Variants in CHD7 observed in about 807,000 individuals in gnomAD.
The protein encoded by CHD7 is ATP-dependent chromatin remodeler CHD7.
Under a neutral mutation model 307.3 loss-of-function variants are expected in CHD7, and 24 were observed. The ratio of observed to expected loss-of-function variants is 0.08; its 90% confidence interval spans 0.06 to 0.11. The LOEUF is 0.11. Ranked by LOEUF, CHD7 falls within the 10% of genes least tolerant of loss-of-function variation. CHD7 has a pLI of 1.00. For missense variants in CHD7, 3,106 were observed against 3,727.1 expected (o/e 0.83, Z 4.34); for synonymous variants, 1,363 against 1,349.9 (o/e 1.01, Z -0.21).
chr8:60,771,397 A>G (rs377618690), intron 2 of CHD7, among the ~76,000 whole-genome samples: 2 of 152,172 alleles, frequency 1.3e-5, no homozygotes, highest in Non-Finnish European at 2.9e-5. Context: ...GATCATCCCT[A>G]ATTTGAATAT....
chr8:60,717,968 TAAA>T (rs1563540205), intron 1 of CHD7, among the ~76,000 whole-genome samples: 1 of 151,836 alleles, frequency 6.6e-6, no homozygotes, highest in Non-Finnish European at 1.5e-5. Flanking sequence ...CATTTTTTTT[TAAA>T]TTTAACTGTA....
In CHD7 at chr8:60,741,676, CTGA is replaced by C; in HGVS notation, c.247_249del (p.Met83del). On this transcript the variant is annotated inframe_deletion, in exon 2 of 38. Transcript: ENST00000423902. ...TCAGTATGAACAACAAAAGATGCAT[CTGA>C]TGGATCAGCCGAACAGAATGATGAG... is the stretch of plus-strand genomic sequence containing the variant. The C allele has an allele frequency of 6.2e-7, 1 of 1,613,986 alleles. No homozygotes were observed. The highest frequency in any genetic ancestry group is 8.5e-7 in the Non-Finnish European group (1 of 1,179,872).
At chr8:60,759,784 G>A (rs1355914315) in intron 2 of CHD7, among the ~76,000 whole-genome samples, 1 of 152,150 alleles carries the variant, frequency 6.6e-6, no homozygotes, top group Non-Finnish European at 1.5e-5. Context: ...GTTTAAGCTG[G>A]AGTGTGAAAA....
At chr8:60,701,971 G>T (rs1244813160) in intron 1 of CHD7, among the ~76,000 whole-genome samples, 1 of 152,248 alleles carries the variant, frequency 6.6e-6, no homozygotes, top group African/African-American at 2.4e-5. Flanking sequence ...CCTCCCTGCA[G>T]TGGTGTTTTC....
At chr8:60,810,760 G>A (rs909041528) in intron 7 of CHD7, among the ~76,000 whole-genome samples, 2 of 152,088 alleles carry the variant, frequency 1.3e-5, no homozygotes, top group East Asian at 1.9e-4. Flanking sequence ...ATGTCCTTGG[G>A]TTGGTTATTC....
At chr8:60,719,025 C>T (rs1431960494) in intron 1 of CHD7, among the ~76,000 whole-genome samples, 3 of 152,196 alleles carry the variant, frequency 2.0e-5, no homozygotes, top group South Asian at 2.1e-4. Context: ...GAGGCTGTAC[C>T]ATCTTGGTTT....
At chr8:60,694,474 T>TC (rs1413783997) in intron 1 of CHD7, among the ~76,000 whole-genome samples, 1 of 152,246 alleles carries the variant, frequency 6.6e-6, no homozygotes, top group African/African-American at 2.4e-5. Context: ...AGTCATTGTA[T>TC]AGTGGAGAAA....
intron 32 of CHD7, among the ~76,000 whole-genome samples, 198 bp downstream of exon 32, chr8:60,854,721 A>T (rs1302300249): frequency 6.6e-6 from 1 of 152,228 alleles, no homozygotes; most frequent in Non-Finnish European, 1.5e-5. Flanking sequence ...TTCTAATAGG[A>T]TGGGAAATGT....
intron 19 of CHD7, 47 bp from the exon 20 acceptor site, chr8:60,841,597 T>C: frequency 7.0e-7 from 1 of 1,437,012 alleles, no homozygotes; most frequent in Non-Finnish European, 9.8e-7. Flanking sequence ...TACATTCTGC[T>C]TCTGAGAAAG....
intron 1 of CHD7, among the ~76,000 whole-genome samples, chr8:60,682,006 A>G: frequency 6.6e-6 from 1 of 152,196 alleles, no homozygotes; most frequent in East Asian, 1.9e-4. Flanking sequence ...ATATGTCTTA[A>G]CATGGAAGGC....
At chr8:60,782,133 C>T (rs946404993) in intron 3 of CHD7, among the ~76,000 whole-genome samples, 2 of 152,192 alleles carry the variant, frequency 1.3e-5, no homozygotes, top group Non-Finnish European at 2.9e-5. Context: ...ATGTTTCTTA[C>T]AACTGTTCTG....
intron 2 of CHD7, among the ~76,000 whole-genome samples, chr8:60,765,354 A>G (rs552098209): frequency 6.6e-6 from 1 of 152,356 alleles, no homozygotes; most frequent in African/African-American, 2.4e-5. Context: ...ACACGTATGT[A>G]TATATAAATG....
intron 2 of CHD7, among the ~76,000 whole-genome samples, chr8:60,751,820 C>A (rs1809655119): frequency 6.6e-6 from 1 of 152,108 alleles, no homozygotes; most frequent in Non-Finnish European, 1.5e-5. Flanking sequence ...TTGAAGTTGG[C>A]AAAATGCCAA....
chr8:60,828,554 A>C, intron 13 of CHD7, 109 bp from the exon 14 acceptor site: 1 of 985,244 alleles, frequency 1.0e-6, no homozygotes, highest in Non-Finnish European at 1.5e-6. Flanking sequence ...TATACTTTGC[A>C]TAGGGTAGAT....
intron 13 of CHD7, among the ~76,000 whole-genome samples, chr8:60,825,708 G>A (rs1804228014): frequency 6.6e-6 from 1 of 152,176 alleles, no homozygotes; most frequent in South Asian, 2.1e-4. Flanking sequence ...TCATCTGACT[G>A]AACTTATCTG....
rs80318597 is a variant in CHD7, at chr8:60,791,816, T to A, written c.2097-3170T>A. On this transcript the variant is annotated intron_variant, in intron 3 of 37. Transcript: ENST00000423902. ...CACTGTGGGTCTGTTTGCTTGCTTA[T>A]TCTTTTAGCTAGTGCTTAGGAATGT... Among the ~76,000 whole-genome samples the A allele has an allele frequency of 4.4e-3, 666 of 152,318 alleles. 4 individuals are homozygous for A. Among genetic ancestry groups the A allele is most frequent in the African/African-American group, 0.015 (641 of 41,566 alleles).
chr8:60,861,145 G>A lies in CHD7; in HGVS notation c.7830+20G>A. 6.5e-7 allele frequency: 1 copy of A among 1,540,572 alleles called. No individual in the cohort carries two copies. The highest frequency in any genetic ancestry group is 1.4e-5 in the African/African-American group (1 of 73,026). On this transcript the variant is annotated intron_variant, in intron 35 of 37. Transcript: ENST00000423902. ...GTACCAGTGAGTATTGCAGAGTTTA[G>A]AGTTGGAAGGAATCTTGCAGGCCGG... is the stretch of plus-strand genomic sequence containing the variant.
At chr8:60,789,545 C>G (rs560402264) in intron 3 of CHD7, among the ~76,000 whole-genome samples, 48 of 152,336 alleles carry the variant, frequency 3.2e-4, no homozygotes, top group African/African-American at 1.1e-3. Flanking sequence ...TGACCATATT[C>G]CCATCACATT....
At chr8:60,715,709 T>C (rs1279245070) in intron 1 of CHD7, among the ~76,000 whole-genome samples, 2 of 152,168 alleles carry the variant, frequency 1.3e-5, no homozygotes, top group Non-Finnish European at 2.9e-5. Flanking sequence ...GGGAGCCATC[T>C]GAAACTCCTT....
Sources: gnomAD v4.1 joint callset for allele counts (sites outside exome capture counted in the v4.1 genomes callset) on GRCh38, gnomAD v4.1.1 for gene constraint, MANE v1.5 for transcripts, NCBI Gene and HGNC (gene_info 2026-07-23, HGNC 2026-07-21) for gene names.